The following PLCB1 variants were observed in gnomAD, a reference collection of about 807,000 sequenced individuals.
PLCB1 encodes phospholipase C beta 1.
PLCB1 carries 46 observed loss-of-function variants against 161.8 expected under a neutral mutation model. The observed-to-expected ratio is 0.28, with a 90% confidence interval of 0.22 to 0.36. The LOEUF is 0.36. Ranked by LOEUF, PLCB1 falls within the 10% of genes least tolerant of loss-of-function variation. The pLI is 1.00. For missense variants in PLCB1, 1,016 were observed against 1,472.5 expected (o/e 0.69, Z 5.07); for synonymous variants, 517 against 503.7 (o/e 1.03, Z -0.35).
At chr20:8,322,472 T>TA (rs1555798296) in intron 2 of PLCB1, among the ~76,000 whole-genome samples, 14 of 152,018 alleles carry the variant, frequency 9.2e-5, no homozygotes, top group Admixed American at 1.3e-4. Flanking sequence ...TGTAAAATTT[T>TA]TAAAAAAAAT....
At chr20:8,535,774 A>T (rs1985025520) in intron 3 of PLCB1, among the ~76,000 whole-genome samples, 1 of 152,180 alleles carries the variant, frequency 6.6e-6, no homozygotes, top group Non-Finnish European at 1.5e-5. Flanking sequence ...TTATTTTGAT[A>T]TAATAAAAGA....
rs181365078 is a variant in PLCB1 at position 8,489,484 on chromosome 20, A to G, written c.246+118034A>G. Among the ~76,000 whole-genome samples, 686 of 152,246 alleles carry G rather than the reference A, an allele frequency of 4.5e-3. 5 individuals are homozygous for G. Among genetic ancestry groups the G allele is most frequent in the Non-Finnish European group, 5.5e-3 (371 of 68,002 alleles). ...TTTATGTAACTGCTCATTTTGTGAA[A>G]AGCATAACTTGGCTGCACACCTTTT... On this transcript the variant is annotated intron_variant, in intron 3 of 31. Transcript: ENST00000338037.
chr20:8,399,644 C>T (rs1485586125), intron 3 of PLCB1, among the ~76,000 whole-genome samples: 1 of 152,098 alleles, frequency 6.6e-6, no homozygotes, highest in Non-Finnish European at 1.5e-5. Context: ...CCAACAACCA[C>T]CTCCCAAGAA....
At chr20:8,373,021 G>A (rs949967254) in intron 3 of PLCB1, among the ~76,000 whole-genome samples, 7 of 152,070 alleles carry the variant, frequency 4.6e-5, no homozygotes, top group African/African-American at 9.7e-5. Flanking sequence ...TAAGTGTTTC[G>A]TTTATGGATG....
intron 2 of PLCB1, among the ~76,000 whole-genome samples, chr20:8,154,975 C>T (rs2051544832): frequency 6.6e-6 from 1 of 152,132 alleles, no homozygotes; most frequent in Non-Finnish European, 1.5e-5. Context: ...TTTCTGATTC[C>T]TTCTCATCAC....
rs929395872 is a variant in PLCB1, at chr20:8,698,549, C to T, written c.1167+766C>T. ...GTGATGCTATCTTTTGGAATGTTGACGTCTATCAGTCAAAGACCCCTAGGA... is the reference window on the plus strand; with the variant it reads ...GTGATGCTATCTTTTGGAATGTTGATGTCTATCAGTCAAAGACCCCTAGGA... On this transcript the variant is annotated intron_variant, in intron 11 of 31. Transcript: ENST00000338037. Among the ~76,000 whole-genome samples the T allele has an allele frequency of 8.5e-5, 13 of 152,184 alleles. 1 individual carries two copies. In the East Asian group the frequency reaches 1.5e-3, roughly 18 times the overall value.
intron 4 of PLCB1, among the ~76,000 whole-genome samples, chr20:8,645,193 C>T (rs559694435): frequency 1.4e-5 from 2 of 145,970 alleles, no homozygotes; most frequent in Non-Finnish European, 3.1e-5. Context: ...GGTCCTCTGC[C>T]TAGGAAAACC....
chr20:8,657,377 G>T (rs933475078), intron 8 of PLCB1, 93 bp downstream of exon 8: 2 of 775,256 alleles, frequency 2.6e-6, no homozygotes, highest in Non-Finnish European at 2.3e-6. Flanking sequence ...GGAGATGGAA[G>T]AACATCATAC....
At chr20:8,180,149 C>T (rs550969763) in intron 2 of PLCB1, among the ~76,000 whole-genome samples, 11 of 151,950 alleles carry the variant, frequency 7.2e-5, no homozygotes, top group South Asian at 6.2e-4. Flanking sequence ...TGAGCCACCG[C>T]GCCCGGCCTG....
At chr20:8,499,448 G>T (rs1429187916) in intron 3 of PLCB1, among the ~76,000 whole-genome samples, 10 of 152,158 alleles carry the variant, frequency 6.6e-5, no homozygotes, top group Non-Finnish European at 1.2e-4. Flanking sequence ...GCATTAGAAA[G>T]TCAGAAAGAT....
chr20:8,144,391 C>T (rs1229175368), intron 1 of PLCB1, among the ~76,000 whole-genome samples: 1 of 152,136 alleles, frequency 6.6e-6, no homozygotes, highest in Admixed American at 6.5e-5. Flanking sequence ...CCAACATTTC[C>T]CTACATTGTG....
intron 31 of PLCB1, among the ~76,000 whole-genome samples, chr20:8,834,330 G>A (rs756846292): frequency 6.5e-4 from 99 of 152,096 alleles, no homozygotes; most frequent in Non-Finnish European, 1.1e-3. Flanking sequence ...AGACTTCACC[G>A]AGAAGGTGAC....
chr20:8,683,184 T>C (rs1482324604), intron 9 of PLCB1, among the ~76,000 whole-genome samples: 1 of 152,008 alleles, frequency 6.6e-6, no homozygotes, highest in Admixed American at 6.6e-5. Context: ...TATGTGTGTA[T>C]ATGCATGATT....
chr20:8,226,355 C>T (rs759459695), intron 2 of PLCB1, among the ~76,000 whole-genome samples: 5 of 152,048 alleles, frequency 3.3e-5, no homozygotes, highest in Admixed American at 1.3e-4. Flanking sequence ...TCACCTCCCT[C>T]ACGTTTGCCA....
At chr20:8,529,869 T>C (rs1250877823) in intron 3 of PLCB1, among the ~76,000 whole-genome samples, 1 of 152,114 alleles carries the variant, frequency 6.6e-6, no homozygotes, top group Non-Finnish European at 1.5e-5. Flanking sequence ...CTGTAACTCT[T>C]GGAGTATAAC....
intron 2 of PLCB1, among the ~76,000 whole-genome samples, chr20:8,208,444 A>G (rs1978645566): frequency 6.6e-6 from 1 of 152,294 alleles, no homozygotes; most frequent in South Asian, 2.1e-4. Context: ...TCAATAAACC[A>G]TAGACATGCT....
chr20:8,714,227 A>C (rs1979177423), intron 12 of PLCB1, among the ~76,000 whole-genome samples: 2 of 152,124 alleles, frequency 1.3e-5, no homozygotes, highest in African/African-American at 4.8e-5. Flanking sequence ...CATTTCTAAC[A>C]AGCTCCTGGT....
At chr20:8,234,741 A>G (rs1980234712) in intron 2 of PLCB1, among the ~76,000 whole-genome samples, 1 of 152,098 alleles carries the variant, frequency 6.6e-6, no homozygotes, top group African/African-American at 2.4e-5. Context: ...AAATTGTTTT[A>G]GAGTAGAAGA....
At chr20:8,428,374 C>G (rs1443204023) in intron 3 of PLCB1, among the ~76,000 whole-genome samples, 1 of 152,130 alleles carries the variant, frequency 6.6e-6, no homozygotes, top group Non-Finnish European at 1.5e-5. Context: ...GTGTGTGCCA[C>G]CACACTCAGC....
Sources: allele counts gnomAD v4.1 joint callset (sites outside exome capture counted in the v4.1 genomes callset), GRCh38; gene constraint gnomAD v4.1.1; transcripts MANE v1.5; gene names NCBI Gene and HGNC (gene_info 2026-07-23, HGNC 2026-07-21).